Variants in DTNA observed in about 807,000 individuals in gnomAD.
The protein encoded by DTNA is dystrophin-related protein 3.
In DTNA, 43 loss-of-function variants were observed where a neutral mutation model predicts 100.7. The ratio of observed to expected loss-of-function variants is 0.43; its 90% confidence interval spans 0.33 to 0.55. The LOEUF is 0.55. Ranked by LOEUF, DTNA falls within the 20% of genes least tolerant of loss-of-function variation. The pLI, the probability that DTNA is intolerant of heterozygous loss-of-function variation, is 0.04. For synonymous variants in DTNA, 349 were observed against 347.9 expected (o/e 1.00, Z -0.04); for missense variants, 798 against 953.9 (o/e 0.84, Z 2.15).
At chr18:34,713,616 G>A (rs528752583) in intron 1 of DTNA, among the ~76,000 whole-genome samples, 2 of 151,606 alleles carry the variant, frequency 1.3e-5, no homozygotes, top group South Asian at 4.2e-4. Flanking sequence ...GGCGATGCGG[G>A]CTCTTTTTTG....
intron 1 of DTNA, among the ~76,000 whole-genome samples, chr18:34,549,892 C>A (rs1488810096): frequency 6.6e-6 from 1 of 151,836 alleles, no homozygotes; most frequent in Non-Finnish European, 1.5e-5. Flanking sequence ...GTACATTTGG[C>A]AAATGAATCA....
rs2095691193 is a variant in DTNA at position 34,820,647 on chromosome 18, C to T, written c.877-144C>T. On this transcript the variant is annotated intron_variant, in intron 8 of 22. Transcript: ENST00000444659. ...GCTTGTTCGGAAACTCTTTTCCGAG[C>T]ATTGAGCAAACTTCCAGACTCAGAA... 7.5e-6 allele frequency: 10 copies of T among 1,333,664 alleles called. No individual in the cohort carries two copies. In the South Asian group the frequency reaches 1.1e-4, roughly 15 times the overall value. The allele number at this position is 1,333,664 out of a possible 1,614,324, so 82.6% of individuals were successfully genotyped here. A position where few individuals can be genotyped will look rare whatever the true frequency, so the allele number is the denominator to read the frequency against.
intron 1 of DTNA, among the ~76,000 whole-genome samples, chr18:34,620,981 T>A (rs930620816): frequency 3.9e-5 from 6 of 151,932 alleles, no homozygotes; most frequent in Non-Finnish European, 8.8e-5. Flanking sequence ...AATACCATTT[T>A]AAAAAAACCC....
chr18:34,604,421 T>G (rs1325395419), intron 1 of DTNA, among the ~76,000 whole-genome samples: 1 of 152,134 alleles, frequency 6.6e-6, no homozygotes, highest in African/African-American at 2.4e-5. Context: ...TATTTATTCA[T>G]AGGGCCATAA....
At chr18:34,532,312 C>G (rs2145528865) in intron 1 of DTNA, among the ~76,000 whole-genome samples, 1 of 152,192 alleles carries the variant, frequency 6.6e-6, no homozygotes, top group Non-Finnish European at 1.5e-5. Context: ...GAAGGCCACT[C>G]TAGGCTGAGA....
intron 1 of DTNA, among the ~76,000 whole-genome samples, chr18:34,680,374 G>A (rs2077938649): frequency 6.6e-6 from 1 of 152,314 alleles, no homozygotes; most frequent in South Asian, 2.1e-4. Context: ...GAGAAAGTGA[G>A]TGGTGGTCAT....
At chr18:34,783,202 T>C (rs1482008197) in intron 3 of DTNA, among the ~76,000 whole-genome samples, 5 of 152,206 alleles carry the variant, frequency 3.3e-5, no homozygotes, top group Non-Finnish European at 5.9e-5. Flanking sequence ...CCTTGTTCAA[T>C]TGAATGTTTT....
chr18:34,551,733 G>A (rs2045439943), intron 1 of DTNA, among the ~76,000 whole-genome samples: 1 of 152,108 alleles, frequency 6.6e-6, no homozygotes, highest in South Asian at 2.1e-4. Flanking sequence ...TTTTGGTCTA[G>A]ATCTGAAAGT....
intron 13 of DTNA, 56 bp from the exon 14 acceptor site, chr18:34,848,239 AC>A: frequency 6.5e-7 from 1 of 1,549,638 alleles, no homozygotes; most frequent in Non-Finnish European, 8.9e-7. Context: ...TGGTAAAATG[AC>A]TGCAGCAATC....
At chr18:34,642,506 TTTCTTTCTTTCCTTCTTTCC>T (rs1466988900) in intron 1 of DTNA, among the ~76,000 whole-genome samples, 5 of 151,952 alleles carry the variant, frequency 3.3e-5, no homozygotes, top group South Asian at 4.2e-4. Context: ...CCTTCCTTCC[TTTCTTTCTTTCCTTCTTTCC>T]TTCTTTCTTT....
intron 1 of DTNA, among the ~76,000 whole-genome samples, chr18:34,597,548 T>C (rs2050882301): frequency 6.6e-6 from 1 of 152,112 alleles, no homozygotes; most frequent in African/African-American, 2.4e-5. Flanking sequence ...AATTAATTGC[T>C]CCCCTACTTA....
chr18:34,811,421 G>A (rs2095483785), intron 5 of DTNA, among the ~76,000 whole-genome samples: 1 of 152,098 alleles, frequency 6.6e-6, no homozygotes, highest in Non-Finnish European at 1.5e-5. Flanking sequence ...TTCTTCTGTA[G>A]GAAGTTAATC....
chr18:34,834,041 A>C (rs1233448882), intron 11 of DTNA, among the ~76,000 whole-genome samples: 1 of 152,198 alleles, frequency 6.6e-6, no homozygotes, highest in African/African-American at 2.4e-5. Context: ...TCTCCATGCA[A>C]ACTTCCAAGC....
chr18:34,582,240 C>T (rs2048721051), intron 1 of DTNA, among the ~76,000 whole-genome samples: 1 of 152,102 alleles, frequency 6.6e-6, no homozygotes, highest in African/African-American at 2.4e-5. Context: ...AGATTGACTG[C>T]TACCCCCTAC....
At chr18:34,658,554 A>G (rs1475951882) in intron 1 of DTNA, among the ~76,000 whole-genome samples, 2 of 152,060 alleles carry the variant, frequency 1.3e-5, no homozygotes, top group South Asian at 2.1e-4. Context: ...GGGTTTTGTC[A>G]TGTTGCCCAA....
intron 17 of DTNA, 136 bp from the exon 18 acceptor site, chr18:34,875,103 A>G (rs2096801879): frequency 7.7e-7 from 1 of 1,297,886 alleles, no homozygotes; most frequent in Non-Finnish European, 1.1e-6. Context: ...CTTTAGGATT[A>G]CCAACACAAT....
At chr18:34,497,071 G>T (rs2039325247) in intron 1 of DTNA, among the ~76,000 whole-genome samples, 3 of 152,256 alleles carry the variant, frequency 2.0e-5, no homozygotes, top group South Asian at 4.1e-4. Flanking sequence ...TTTGCAAAGA[G>T]TTATTTAGGT....
chr18:34,867,088 A>T (rs1026960953), intron 17 of DTNA: 1 of 1,230,926 alleles, frequency 8.1e-7, no homozygotes, highest in African/African-American at 1.6e-5. Context: ...AATATATCCC[A>T]CTCACTAGCA....
chr18:34,502,118 AAT>A (rs1210998782), intron 1 of DTNA, among the ~76,000 whole-genome samples: 3 of 152,126 alleles, frequency 2.0e-5, no homozygotes, highest in Non-Finnish European at 2.9e-5. Flanking sequence ...TTGATTCAGG[AAT>A]TGTTCCATTT....
Sources: gnomAD v4.1 joint callset for allele counts (sites outside exome capture counted in the v4.1 genomes callset) on GRCh38, gnomAD v4.1.1 for gene constraint, MANE v1.5 for transcripts, NCBI Gene and HGNC (gene_info 2026-07-23, HGNC 2026-07-21) for gene names.